Variants in FAM3D observed in about 807,000 individuals in gnomAD.
FAM3D encodes the protein protein FAM3D.
Under a neutral mutation model 29.8 loss-of-function variants are expected in FAM3D, and 26 were observed. The ratio of observed to expected loss-of-function variants is 0.87; its 90% CI spans 0.64 to 1.21. The LOEUF (loss-of-function observed/expected upper bound fraction) is 1.21. Among genes scored for constraint, FAM3D ranks in the 50% most tolerant of loss-of-function variants. The pLI is 0.00. For synonymous variants in FAM3D, 115 were observed against 102.3 expected, an observed-to-expected ratio of 1.12 and a Z score of -0.75; for missense variants, 253 against 290.9, an observed-to-expected ratio of 0.87 and a Z score of 0.95.
chr3:58,655,612 A>G lies in FAM3D; in HGVS notation c.-38-11T>C, dbSNP rs762141037. The G allele has an allele frequency of 1.1e-5, 18 of 1,604,664 alleles. No individual in the cohort carries two copies. Among genetic ancestry groups the G allele is most frequent in the Non-Finnish European group, 1.4e-5 (17 of 1,174,166 alleles). On this transcript the variant is annotated splice_polypyrimidine_tract_variant and intron_variant, in intron 1 of 9. Transcript: ENST00000358781. Reference sequence around the variant, plus strand: ...GGGGTCAGCTTCCACCTATGGAGAGAAGAAAATCCAGTCGGAAACTGGCAT... The same window carrying G: ...GGGGTCAGCTTCCACCTATGGAGAGGAGAAAATCCAGTCGGAAACTGGCAT...
At chr3:58,640,032 G>C in intron 7 of FAM3D, 95 bp downstream of exon 7, 1 of 1,356,900 alleles carries the variant, frequency 7.4e-7, no homozygotes, top group African/African-American at 1.4e-5. Context: ...GAAGCACCAG[G>C]TACCTCGAGC....
intron 3 of FAM3D, among the ~76,000 whole-genome samples, chr3:58,652,862 GTCCATCCATCCA>G (rs745543889): frequency 1.4e-5 from 2 of 145,926 alleles, no homozygotes; most frequent in African/African-American, 2.6e-5. Context: ...CCATCCATCT[GTCCATCCATCCA>G]TCCATCCATC....
chr3:58,650,869 C>T (rs1469613088), intron 3 of FAM3D, among the ~76,000 whole-genome samples: 4 of 152,184 alleles, frequency 2.6e-5, no homozygotes, highest in South Asian at 2.1e-4. Context: ...AGGCGCCCGC[C>T]ACCACGCCCG....
Position 58,645,433 on chromosome 3 carries a change from C to T in FAM3D, c.263+76G>A, listed in dbSNP as rs1161945793. 8.2e-6 allele frequency: 10 copies of T among 1,216,558 alleles called. No homozygotes were observed. The Admixed American group carries it at 2.7e-4, about 32-fold the overall frequency. 75.4% of individuals were successfully genotyped at this position (1,216,558 alleles called of 1,614,324 possible). A position where few individuals can be genotyped will look rare whatever the true frequency, so the allele number is the denominator to read the frequency against. On this transcript the variant is annotated intron_variant, in intron 5 of 9. Coordinates refer to ENST00000358781, the MANE Select transcript of FAM3D (RefSeq NM_138805.3). ...GGTCTCACAGGCCAGCCCCTGCAGC[C>T]TCTGAGTTTTTTAATGAATGAATGA...
Position 58,634,440 on chromosome 3 carries a change from T to C in FAM3D, c.586-72A>G. On this transcript the variant is annotated intron_variant, in intron 9 of 9. Transcript: ENST00000358781. The surrounding 1 kb of genome is among the most constrained non-coding windows in gnomAD (Gnocchi z 4.6). The stretch of plus-strand genomic sequence containing the variant: ...TCAGAACTCATGCCCACATGGACAC[T>C]GTGCTCTAAACCTAAATGGGGGTGT... The C allele has an allele frequency of 7.2e-7, 1 of 1,384,756 alleles. No individual in the cohort carries two copies. Among genetic ancestry groups the C allele is most frequent in the South Asian group, 1.2e-5 (1 of 83,250 alleles). The allele number at this position is 1,384,756 out of a possible 1,614,324, so 85.8% of individuals were successfully genotyped here.
At chr3:58,649,432 G>A (rs898460374) in intron 3 of FAM3D, 94 bp from the exon 4 acceptor site, 7 of 1,481,726 alleles carry the variant, frequency 4.7e-6, no homozygotes, top group African/African-American at 1.4e-5. Context: ...GTGGGAATAA[G>A]GGGATTTAAA....
rs1448189791 is a variant in FAM3D, at chr3:58,656,360, T to C, written c.-38-759A>G. On this transcript the variant is annotated intron_variant, in intron 1 of 9. Transcript: ENST00000358781. ...GTGAGAGCCAGAATTTGGATGCAGG[T>C]TTCTGGCTGCTGAACACTCCCTGAA... Among the ~76,000 whole-genome samples, 10 of 152,270 alleles carry C rather than the reference T, an allele frequency of 6.6e-5. 1 individual carries two copies. The South Asian group carries it at 8.3e-4, about 13-fold the overall frequency.
intron 3 of FAM3D, 50 bp from the exon 4 acceptor site, chr3:58,649,388 T>A: frequency 6.2e-7 from 1 of 1,610,818 alleles, no homozygotes; most frequent in Non-Finnish European, 8.5e-7. Flanking sequence ...CGGACCCTCC[T>A]GCAGGATGGA....
intron 1 of FAM3D, among the ~76,000 whole-genome samples, chr3:58,656,055 T>C (rs561838219): frequency 8.2e-4 from 124 of 151,462 alleles, no homozygotes; most frequent in Non-Finnish European, 1.4e-3. Context: ...ATCCATCCTT[T>C]CAGCTGTCTA....
intron 5 of FAM3D, among the ~76,000 whole-genome samples, chr3:58,644,681 T>C (rs2066427393): frequency 6.6e-6 from 1 of 152,184 alleles, no homozygotes; most frequent in Non-Finnish European, 1.5e-5. Context: ...ACAGGAAGGC[T>C]CTTTTCCCAT....
At position 58,635,639 on chromosome 3, in the gene FAM3D, C is replaced by T. The variant is rs796642800; in HGVS notation, c.585+655G>A. 1.6e-4 allele frequency among the ~76,000 whole-genome samples: 24 copies of T among 152,308 alleles called. No individual in the cohort carries two copies. The highest frequency in any genetic ancestry group is 4.8e-4 in the African/African-American group (20 of 41,568). On this transcript the variant is annotated intron_variant, in intron 9 of 9. Coordinates refer to ENST00000358781, the MANE Select transcript of FAM3D (RefSeq NM_138805.3). The surrounding 1 kb of genome is among the most constrained non-coding windows in gnomAD (Gnocchi z 5.2). ...AGGACATTCGGGAACCACACCCGGC[C>T]GCCCCCGCCCACCGGCCTCCTGCGT... is the stretch of plus-strand genomic sequence containing the variant.
At chr3:58,654,774 G>T (rs2066742835) in intron 2 of FAM3D, among the ~76,000 whole-genome samples, 1 of 152,164 alleles carries the variant, frequency 6.6e-6, no homozygotes. Flanking sequence ...AGGCCCGCCG[G>T]GTCCTGTGGG....
Position 58,634,363 on chromosome 3 carries a change from T to G in FAM3D, c.591A>C (p.Leu197Phe). ...LRGKSPFEQF[L>F]KNSPDTNKYE... is the part of the protein sequence containing the mutation. ...ATTTGTTTGTGTCTGGGCTGTTCTT[T>G]AAGAACTAGAGAGAGAGAAGACAGA... The change falls in exon 10 of 10, where the codon TTA (leucine) becomes TTC (phenylalanine). Residue 197 changes from leucine (L) to phenylalanine (F), a missense_variant. Transcript: ENST00000358781. The surrounding 1 kb of genome is among the most constrained non-coding windows in gnomAD (Gnocchi z 4.6). 6.2e-7 allele frequency: 1 copy of G among 1,613,844 alleles called. No homozygotes were observed. The highest frequency in any genetic ancestry group is 8.5e-7 in the Non-Finnish European group (1 of 1,179,924).
At chr3:58,641,273 G>C (rs1460498958) in intron 6 of FAM3D, among the ~76,000 whole-genome samples, 1 of 152,210 alleles carries the variant, frequency 6.6e-6, no homozygotes, top group African/African-American at 2.4e-5. Flanking sequence ...TAGGGAGGTA[G>C]TTCAGGTGAA....
chr3:58,636,042 T>C (rs1387869710), intron 9 of FAM3D, among the ~76,000 whole-genome samples: 2 of 152,222 alleles, frequency 1.3e-5, no homozygotes, highest in Non-Finnish European at 2.9e-5. Context: ...TTTCTCCTTT[T>C]CCCTCTTCCT....
chr3:58,656,415 C>A (rs1356164453), intron 1 of FAM3D, among the ~76,000 whole-genome samples: 1 of 152,194 alleles, frequency 6.6e-6, no homozygotes, highest in African/African-American at 2.4e-5. Flanking sequence ...ACTGCGGTCT[C>A]ACTGCCAAGA....
At chr3:58,636,896 T>C (rs2106704466) in intron 8 of FAM3D, among the ~76,000 whole-genome samples, 1 of 152,316 alleles carries the variant, frequency 6.6e-6, no homozygotes, top group South Asian at 2.1e-4. Context: ...TGTCACCGTA[T>C]GTCATAGTTT....
At chr3:58,655,397 C>T (rs112957906) in intron 2 of FAM3D, among the ~76,000 whole-genome samples, 154 bp downstream of exon 2, 1,901 of 152,290 alleles carry the variant, frequency 0.012, 43 homozygotes, top group African/African-American at 0.043. Context: ...GACAGGAAGT[C>T]GCCTCTTCTA....
At chr3:58,638,955 A>G (rs2066251372) in intron 7 of FAM3D, among the ~76,000 whole-genome samples, 1 of 152,222 alleles carries the variant, frequency 6.6e-6, no homozygotes, top group Non-Finnish European at 1.5e-5. Context: ...ATTTGAAAAA[A>G]TAAAACATGC....
Sources: gnomAD v4.1 joint callset for allele counts (sites outside exome capture counted in the v4.1 genomes callset) on GRCh38, gnomAD v4.1.1 for gene constraint, Gnocchi (gnomAD v3.1) non-coding constraint, MANE v1.5 for transcripts, NCBI Gene and HGNC (gene_info 2026-07-23, HGNC 2026-07-21) for gene names.